CHST8: variants seen among roughly 807,000 people sequenced by gnomAD.
CHST8 encodes carbohydrate sulfotransferase 8, also known as GALNAC-4-ST1.
In CHST8, 10 loss-of-function variants were observed where a neutral mutation model predicts 15.0. The observed-to-expected ratio is 0.67, with a 90% CI of 0.41 to 1.13. The LOEUF is 1.13. Among genes scored for constraint, CHST8 ranks in the 50% most tolerant of loss-of-function variants. CHST8 has a pLI of 0.00. For synonymous variants in CHST8, 259 were observed against 256.6 expected (o/e 1.01, Z -0.09); for missense variants, 634 against 608.2 (o/e 1.04, Z -0.45).
chr19:33,729,906 T>A (rs1173820397), intron 3 of CHST8, among the ~76,000 whole-genome samples: 1 of 152,102 alleles, frequency 6.6e-6, no homozygotes, highest in Non-Finnish European at 1.5e-5. Flanking sequence ...TTCTGTGGGG[T>A]CTTCAAACTA....
chr19:33,702,135 C>T (rs1258233563), intron 3 of CHST8, among the ~76,000 whole-genome samples: 1 of 152,050 alleles, frequency 6.6e-6, no homozygotes, highest in East Asian at 1.9e-4. Context: ...CCACCACTCC[C>T]AGTTTATTTT....
chr19:33,650,504 TTTCTTTTTCTTTTC>T (rs1391277806), intron 1 of CHST8, among the ~76,000 whole-genome samples: 1 of 123,650 alleles, frequency 8.1e-6, no homozygotes, highest in Admixed American at 8.3e-5. Flanking sequence ...TCTTTTTCTT[TTTCTTTTTCTTTTC>T]TTTTTTTTTT....
At chr19:33,641,406 C>A (rs927272368) in intron 1 of CHST8, among the ~76,000 whole-genome samples, 1 of 152,182 alleles carries the variant, frequency 6.6e-6, no homozygotes, top group Admixed American at 6.5e-5. Context: ...TAGATCTCCG[C>A]CCCACCACCC....
At chr19:33,681,536 G>T (rs1972889713) in intron 2 of CHST8, among the ~76,000 whole-genome samples, 1 of 152,184 alleles carries the variant, frequency 6.6e-6, no homozygotes, top group Non-Finnish European at 1.5e-5. Flanking sequence ...CCTGGTGAGG[G>T]ACAGGCGGCA....
At chr19:33,733,482 G>A (rs888087896) in intron 3 of CHST8, among the ~76,000 whole-genome samples, 15 of 152,094 alleles carry the variant, frequency 9.9e-5, no homozygotes, top group Non-Finnish European at 1.8e-4. Flanking sequence ...TAATCTACCC[G>A]CCTTGGCCTC....
chr19:33,728,713 A>T (rs1973945370), intron 3 of CHST8, among the ~76,000 whole-genome samples: 1 of 152,174 alleles, frequency 6.6e-6, no homozygotes, highest in South Asian at 2.1e-4. Flanking sequence ...ACAGGTGCTT[A>T]GGAGGGGGAG....
At position 33,772,975 on chromosome 19, in the gene CHST8, C is replaced by T. The variant is rs2145400703; in HGVS notation, c.1187C>T (p.Ser396Leu). 1.2e-6 allele frequency: 2 copies of T among 1,613,600 alleles called. No individual in the cohort carries two copies. Among genetic ancestry groups the T allele is most frequent in the East Asian group, 4.5e-5 (2 of 44,874 alleles). ...GCCCACCAGTACTTCGCCCAACTCT[C>T]GGCCCTGCAAAGGCAGCGCACCTAC... The part of the protein sequence containing the change: ...RIAHQYFAQL[S>L]ALQRQRTYDF... Residue 396 changes from serine (S) to leucine (L), a missense_variant, in exon 5 of 5, where the codon TCG becomes TTG. Transcript: ENST00000650847.
At position 33,689,271 on chromosome 19, in the gene CHST8, C is replaced by G. The variant is rs763278233; in HGVS notation, c.10C>G (p.Arg4Gly). The G allele has an allele frequency of 6.3e-7, 1 of 1,592,486 alleles. No individual in the cohort carries two copies. Among genetic ancestry groups the G allele is most frequent in the Admixed American group, 1.7e-5 (1 of 57,458 alleles). The change falls in exon 3 of 5, where the codon CGA becomes GGA. Residue 4 changes from arginine to glycine, a missense_variant. Arg to Gly is a moderately radical substitution (Grantham distance 125). Transcript: ENST00000650847. The stretch of plus-strand genomic sequence containing the variant: ...CCTGAGCCAGCCCCGGATGACCCTG[C>G]GACCTGGAACAATGCGGCTGGCCTG... MTL[R>G]PGTMRLACMF... is the part of the protein sequence containing the mutation.
At chr19:33,732,223 GT>G (rs1233366757) in intron 3 of CHST8, among the ~76,000 whole-genome samples, 1 of 152,176 alleles carries the variant, frequency 6.6e-6, no homozygotes, top group African/African-American at 2.4e-5. Flanking sequence ...CTCTTGTCTG[GT>G]CCTTCTACCA....
intron 1 of CHST8, among the ~76,000 whole-genome samples, chr19:33,645,552 C>G (rs1255306653): frequency 1.3e-5 from 2 of 152,086 alleles, no homozygotes; most frequent in East Asian, 3.9e-4. Flanking sequence ...AGCTTTTGGT[C>G]TGAGCGGCTA....
intron 2 of CHST8, among the ~76,000 whole-genome samples, chr19:33,673,736 T>C (rs185959407): frequency 3.0e-4 from 45 of 152,204 alleles, no homozygotes; most frequent in Admixed American, 5.9e-4. Flanking sequence ...AGGCTCTAGC[T>C]GAGACCCTTC....
At chr19:33,641,163 A>C (rs1432351635) in intron 1 of CHST8, among the ~76,000 whole-genome samples, 1 of 152,126 alleles carries the variant, frequency 6.6e-6, no homozygotes, top group Non-Finnish European at 1.5e-5. Flanking sequence ...GGCTGTCCCG[A>C]GAGCCCTTCC....
intron 4 of CHST8, 42 bp from the exon 5 acceptor site, chr19:33,771,915 C>T: frequency 6.6e-7 from 1 of 1,522,872 alleles, no homozygotes; most frequent in Non-Finnish European, 8.8e-7. Context: ...CAGTGCCCAG[C>T]TGTCCTTTCC....
intron 3 of CHST8, among the ~76,000 whole-genome samples, chr19:33,757,692 C>T (rs531557213): frequency 1.4e-4 from 21 of 151,804 alleles, no homozygotes; most frequent in Admixed American, 1.4e-3. Flanking sequence ...CTGACAAGCC[C>T]AAGATTGGCA....
intron 3 of CHST8, among the ~76,000 whole-genome samples, chr19:33,743,406 A>G (rs1489206913): frequency 7.1e-6 from 1 of 141,640 alleles, no homozygotes; most frequent in African/African-American, 2.7e-5. Flanking sequence ...GGTTCATGCC[A>G]TTCTCCTGCC....
intron 3 of CHST8, among the ~76,000 whole-genome samples, chr19:33,735,149 G>C (rs970199905): frequency 6.6e-6 from 1 of 152,202 alleles, no homozygotes; most frequent in East Asian, 1.9e-4. Context: ...AGCCTGGCTG[G>C]GGAGAGATGG....
intron 1 of CHST8, among the ~76,000 whole-genome samples, chr19:33,648,466 T>G (rs1311514892): frequency 2.0e-5 from 3 of 152,216 alleles, no homozygotes; most frequent in Non-Finnish European, 4.4e-5. Context: ...GGACATTTCA[T>G]GTCAATTGAA....
At chr19:33,668,822 A>AC (rs1231052071) in intron 2 of CHST8, among the ~76,000 whole-genome samples, 1 of 152,180 alleles carries the variant, frequency 6.6e-6, no homozygotes, top group African/African-American at 2.4e-5. Flanking sequence ...GTATTAGGAT[A>AC]TATGGACTCT....
chr19:33,624,128 TTA>T (rs766389516), intron 1 of CHST8, among the ~76,000 whole-genome samples: 1 of 152,296 alleles, frequency 6.6e-6, no homozygotes, highest in South Asian at 2.1e-4. Flanking sequence ...CAAGAGTGAA[TTA>T]TGTTTCCCGG....
Sources: gnomAD v4.1 joint callset for allele counts (sites outside exome capture counted in the v4.1 genomes callset) on GRCh38, gnomAD v4.1.1 for gene constraint, MANE v1.5 for transcripts, NCBI Gene and HGNC (gene_info 2026-07-23, HGNC 2026-07-21) for gene names.